ADAMTS17: variants seen among roughly 807,000 people sequenced by gnomAD.
ADAMTS17 encodes the protein A disintegrin and metalloproteinase with thrombospondin motifs 17.
In ADAMTS17, 113 loss-of-function variants were observed where a neutral mutation model predicts 141.5. The observed-to-expected ratio is 0.80, with a 90% CI of 0.69 to 0.93. The LOEUF is 0.93. ADAMTS17 is among the 40% of genes least tolerant of loss of function. The pLI, the probability that ADAMTS17 is intolerant of heterozygous loss-of-function variation, is 0.00. For synonymous variants in ADAMTS17, 768 were observed against 630.6 expected (o/e 1.22, Z -3.27); for missense variants, 1,659 against 1,517.9 (o/e 1.09, Z -1.54).
chr15:100,012,853 C>T (rs1260855970), intron 18 of ADAMTS17, among the ~76,000 whole-genome samples: 1 of 152,060 alleles, frequency 6.6e-6, no homozygotes, highest in East Asian at 1.9e-4. Context: ...CTTAGTCTTG[C>T]TTTGGCTATG....
chr15:100,109,178 C>T, intron 13 of ADAMTS17, 62 bp from the exon 14 acceptor site: 1 of 1,557,302 alleles, frequency 6.4e-7, no homozygotes, highest in South Asian at 1.2e-5. Flanking sequence ...ATGCAGGGCA[C>T]AGGTACATGT....
intron 14 of ADAMTS17, among the ~76,000 whole-genome samples, chr15:100,103,403 C>G (rs552629752): frequency 6.6e-6 from 1 of 152,310 alleles, no homozygotes; most frequent in East Asian, 1.9e-4. Context: ...ACCAGGGTCT[C>G]TTTGAATTCT....
At position 99,997,938 on chromosome 15, in the gene ADAMTS17, G is replaced by A. The variant is rs1049797642; in HGVS notation, c.2592-349C>T. ...GGGTGTGAGTGAAGAGGATGCTGGC[G>A]GCGTCCCGGCAGAAGCTCTGAATGT... On this transcript the variant is annotated intron_variant, in intron 18 of 21. Transcript: ENST00000268070. The surrounding 1 kb of genome is among the most constrained non-coding windows in gnomAD (Gnocchi z 4.7). 2.6e-5 allele frequency among the ~76,000 whole-genome samples: 4 copies of A among 152,130 alleles called. No homozygotes were observed. The highest frequency in any genetic ancestry group is 2.1e-4 in the South Asian group (1 of 4,826).
intron 13 of ADAMTS17, among the ~76,000 whole-genome samples, chr15:100,112,303 A>G (rs550910239): frequency 8.3e-4 from 127 of 152,254 alleles, no homozygotes; most frequent in African/African-American, 2.8e-3. Flanking sequence ...CAGCTTGGAC[A>G]GCTGGGGACA....
chr15:100,289,463 G>C (rs1035400268), intron 3 of ADAMTS17, among the ~76,000 whole-genome samples: 2 of 151,932 alleles, frequency 1.3e-5, no homozygotes, highest in African/African-American at 2.4e-5. Context: ...GAAGGAGGAG[G>C]GACTCCTCCC....
Position 100,311,423 on chromosome 15 carries a change from G to A in ADAMTS17, c.616+19466C>T, listed in dbSNP as rs534767729. ...TGGACCAGCTGCCAGGAGCTTCCCTGAGCCACCTGGACAGCCCCAGCCAGT... is the reference window on the plus strand; with the variant it reads ...TGGACCAGCTGCCAGGAGCTTCCCTAAGCCACCTGGACAGCCCCAGCCAGT... On this transcript the variant is annotated intron_variant, in intron 3 of 21. Coordinates refer to ENST00000268070, the MANE Select transcript of ADAMTS17 (RefSeq NM_139057.4). Among the ~76,000 whole-genome samples the A allele has an allele frequency of 2.0e-3, 308 of 152,342 alleles. 9 individuals are homozygous for A. The highest frequency in any genetic ancestry group is 0.018 in the Admixed American group (270 of 15,304).
chr15:100,332,386 G>A (rs2046081025), intron 2 of ADAMTS17, among the ~76,000 whole-genome samples: 1 of 152,230 alleles, frequency 6.6e-6, no homozygotes, highest in African/African-American at 2.4e-5. Flanking sequence ...CCGCAGTCAA[G>A]AAAGAGTGGG....
intron 3 of ADAMTS17, among the ~76,000 whole-genome samples, chr15:100,308,566 T>A (rs1441595571): frequency 1.3e-5 from 2 of 152,208 alleles, no homozygotes; most frequent in Non-Finnish European, 2.9e-5. Context: ...TGATGTATCA[T>A]AACTCCAAGT....
intron 18 of ADAMTS17, among the ~76,000 whole-genome samples, chr15:100,047,048 T>A (rs2031747020): frequency 6.6e-6 from 1 of 152,036 alleles, no homozygotes; most frequent in South Asian, 2.1e-4. Context: ...AGAAAGAGAA[T>A]GAGCCCCTGA....
intron 21 of ADAMTS17, 48 bp from the exon 22 acceptor site, chr15:99,974,610 ATGTCCTGATGC>A: frequency 6.2e-7 from 1 of 1,611,278 alleles, no homozygotes; most frequent in South Asian, 1.1e-5. Flanking sequence ...TGGCCTAGGC[ATGTCCTGATGC>A]AGGCACAGGG....
At position 100,109,025 on chromosome 15, in the gene ADAMTS17, G is replaced by A. The variant is rs762443557; in HGVS notation, c.1980C>T (p.Pro660=). Reference sequence around the variant, plus strand: ...CGTGCACGCAGAGATCAGTCTCGTAGGGCCCGCAGGGTGTACCGTCCAGGA... The same window carrying A: ...CGTGCACGCAGAGATCAGTCTCGTAAGGCCCGCAGGGTGTACCGTCCAGGA... ...DRVLDGTPCG[P]YETDLCVHGK... Residue 660 remains proline (P), a synonymous_variant, in exon 14 of 22, where the codon CCC becomes CCT. Coordinates refer to ENST00000268070, the MANE Select transcript of ADAMTS17 (RefSeq NM_139057.4). The A allele has an allele frequency of 2.6e-5, 42 of 1,614,016 alleles. No individual in the cohort carries two copies. The highest frequency in any genetic ancestry group is 3.5e-5 in the Non-Finnish European group (41 of 1,180,032).
chr15:99,983,530 A>C (rs558005495), intron 20 of ADAMTS17, among the ~76,000 whole-genome samples: 3 of 152,280 alleles, frequency 2.0e-5, no homozygotes, highest in Admixed American at 6.5e-5. Context: ...ACTGTAAATA[A>C]CACCAGATCC....
At chr15:100,069,146 A>G (rs2033782450) in intron 15 of ADAMTS17, among the ~76,000 whole-genome samples, 1 of 152,232 alleles carries the variant, frequency 6.6e-6, no homozygotes, top group African/African-American at 2.4e-5. Context: ...GGTATCAGCA[A>G]TGGAAGATGA....
intron 10 of ADAMTS17, among the ~76,000 whole-genome samples, chr15:100,152,086 T>C (rs996434836): frequency 6.6e-6 from 1 of 152,220 alleles, no homozygotes; most frequent in Non-Finnish European, 1.5e-5. Context: ...ACCAAACACT[T>C]AGGCATTGCT....
At chr15:100,159,099 G>A (rs1301044079) in intron 8 of ADAMTS17, among the ~76,000 whole-genome samples, 1 of 152,138 alleles carries the variant, frequency 6.6e-6, no homozygotes, top group Non-Finnish European at 1.5e-5. Flanking sequence ...ACTACTGCAT[G>A]ATCCAACAAT....
chr15:100,020,338 C>T (rs1450061884), intron 18 of ADAMTS17, among the ~76,000 whole-genome samples: 3 of 152,204 alleles, frequency 2.0e-5, no homozygotes, highest in Admixed American at 1.3e-4. Context: ...TGAGGCAGCT[C>T]GCTTGTCCTG....
intron 12 of ADAMTS17, among the ~76,000 whole-genome samples, chr15:100,118,583 G>T (rs1455909720): frequency 6.6e-6 from 1 of 152,210 alleles, no homozygotes; most frequent in Non-Finnish European, 1.5e-5. Context: ...AGGCAAGGGA[G>T]GCATCAGTTC....
intron 15 of ADAMTS17, among the ~76,000 whole-genome samples, chr15:100,076,781 CACAA>C (rs1289351765): frequency 6.6e-6 from 1 of 151,988 alleles, no homozygotes; most frequent in Admixed American, 6.5e-5. Context: ...TTTAATACTA[CACAA>C]ACAAAAACAT....
At chr15:100,281,762 G>T (rs1567481662) in intron 3 of ADAMTS17, among the ~76,000 whole-genome samples, 5 of 152,194 alleles carry the variant, frequency 3.3e-5, no homozygotes. Flanking sequence ...CAGCGGGCAG[G>T]GGTCTGAAAG....
Sources: gnomAD v4.1 joint callset for allele counts (sites outside exome capture counted in the v4.1 genomes callset) on GRCh38, gnomAD v4.1.1 for gene constraint, Gnocchi (gnomAD v3.1) non-coding constraint, MANE v1.5 for transcripts, NCBI Gene and HGNC (gene_info 2026-07-23, HGNC 2026-07-21) for gene names.